The following SYT2 variants were observed in gnomAD, a reference collection of about 807,000 sequenced individuals.
SYT2 encodes synaptotagmin 2.
A neutral mutation model predicts 39.9 loss-of-function variants in SYT2; 15 were observed. The ratio of observed to expected loss-of-function variants is 0.38; its 90% CI spans 0.25 to 0.58. The LOEUF (loss-of-function observed/expected upper bound fraction) is 0.58. SYT2 is among the 20% of genes least tolerant of loss of function. The pLI is 0.70. For missense variants in SYT2, 389 were observed against 530.3 expected, an observed-to-expected ratio of 0.73 and a Z score of 2.62; for synonymous variants, 181 against 204.5, an observed-to-expected ratio of 0.89 and a Z score of 0.98.
At chr1:202,638,079 C>G (rs1181582395) in intron 1 of SYT2, among the ~76,000 whole-genome samples, 3 of 152,240 alleles carry the variant, frequency 2.0e-5, no homozygotes, top group Non-Finnish European at 4.4e-5. Flanking sequence ...AGCCACATTA[C>G]CTTCTACTAG....
chr1:202,652,504 T>C (rs1255610114), intron 1 of SYT2, among the ~76,000 whole-genome samples: 1 of 152,180 alleles, frequency 6.6e-6, no homozygotes, highest in African/African-American at 2.4e-5. Flanking sequence ...GCAATGGAGT[T>C]AGTGCATGGT....
intron 1 of SYT2, among the ~76,000 whole-genome samples, chr1:202,703,245 C>T (rs1230351583): frequency 1.3e-5 from 2 of 152,120 alleles, no homozygotes; most frequent in African/African-American, 2.4e-5. Context: ...CTCTTTGACG[C>T]TACCACCCTC....
intron 1 of SYT2, among the ~76,000 whole-genome samples, chr1:202,685,529 A>G (rs1304893226): frequency 6.6e-6 from 1 of 152,206 alleles, no homozygotes; most frequent in Non-Finnish European, 1.5e-5. Flanking sequence ...ACACACTGGC[A>G]TCAGCCCTTC....
chr1:202,605,726 G>A lies in SYT2; in HGVS notation c.47C>T (p.Ala16Val). The A allele has an allele frequency of 1.2e-6, 2 of 1,614,044 alleles. No individual in the cohort carries two copies. The highest frequency in any genetic ancestry group is 1.7e-6 in the Non-Finnish European group (2 of 1,179,966). ...AATGGGCATCGTGGCGGTGGTGGTG[G>A]CAGGAGCCACAATAGGCTCCTGGTT... The part of the protein sequence containing the change: ...KRNQEPIVAP[A>V]TTTATMPIGP... Residue 16 changes from alanine to valine, a missense_variant, in exon 2 of 9, where the codon GCC (alanine) becomes GTC (valine). Physicochemically the swap from Ala to Val is moderately conservative, Grantham distance 64. Transcript: ENST00000367268.
intron 1 of SYT2, among the ~76,000 whole-genome samples, chr1:202,671,567 C>T (rs547779392): frequency 3.9e-5 from 6 of 152,358 alleles, no homozygotes; most frequent in African/African-American, 1.4e-4. Context: ...GGGCATTTGT[C>T]CCTCAGGAGG....
intron 1 of SYT2, among the ~76,000 whole-genome samples, chr1:202,637,750 C>T (rs1691779476): frequency 6.6e-6 from 1 of 152,256 alleles, no homozygotes; most frequent in Non-Finnish European, 1.5e-5. Context: ...TCACCCTCTG[C>T]CCCTCCCTCA....
chr1:202,654,967 G>C (rs1692254032), intron 1 of SYT2, among the ~76,000 whole-genome samples: 1 of 152,208 alleles, frequency 6.6e-6, no homozygotes, highest in Non-Finnish European at 1.5e-5. Flanking sequence ...TGGGTTGGGG[G>C]AGAGGATAAA....
intron 1 of SYT2, among the ~76,000 whole-genome samples, chr1:202,655,319 C>T (rs1327657184): frequency 6.6e-6 from 1 of 152,176 alleles, no homozygotes; most frequent in African/African-American, 2.4e-5. Context: ...ACTACAGGCT[C>T]ATCCCTAGCA....
chr1:202,604,183 T>G, intron 3 of SYT2: 1 of 357,904 alleles, frequency 2.8e-6, no homozygotes. Flanking sequence ...TTTCCAACAT[T>G]TTGTCCCAGT....
At chr1:202,697,441 A>G (rs1277803885) in intron 1 of SYT2, among the ~76,000 whole-genome samples, 1 of 152,240 alleles carries the variant, frequency 6.6e-6, no homozygotes, top group Non-Finnish European at 1.5e-5. Flanking sequence ...GCCTGTTTGC[A>G]TCGGTACACG....
At chr1:202,606,773 GGAGA>G (rs1293035068) in intron 1 of SYT2, among the ~76,000 whole-genome samples, 2 of 152,010 alleles carry the variant, frequency 1.3e-5, no homozygotes, top group East Asian at 1.9e-4. Flanking sequence ...GAAAATTTGG[GGAGA>G]GAGAGAGAAA....
chr1:202,666,086 G>A (rs1226619840), intron 1 of SYT2, among the ~76,000 whole-genome samples: 1 of 151,096 alleles, frequency 6.6e-6, no homozygotes, highest in Non-Finnish European at 1.5e-5. Flanking sequence ...CAGGGAGGCG[G>A]AGCTTGCAGT....
chr1:202,705,477 G>A (rs572743433), intron 1 of SYT2, among the ~76,000 whole-genome samples: 8 of 152,362 alleles, frequency 5.3e-5, no homozygotes, highest in African/African-American at 1.7e-4. Context: ...CCCGGCTAAA[G>A]TGACCAAGGA....
chr1:202,660,615 C>A (rs905058815), intron 1 of SYT2, among the ~76,000 whole-genome samples: 4 of 152,236 alleles, frequency 2.6e-5, no homozygotes, highest in Non-Finnish European at 5.9e-5. Context: ...ATCAGTGGAC[C>A]ATCTTTATTT....
chr1:202,691,894 A>G (rs1653846559), intron 1 of SYT2, among the ~76,000 whole-genome samples: 2 of 152,026 alleles, frequency 1.3e-5, no homozygotes, highest in South Asian at 4.2e-4. Context: ...ATGAATCAAG[A>G]GGCCAGAAAT....
intron 1 of SYT2, among the ~76,000 whole-genome samples, chr1:202,654,510 TA>T (rs1692246419): frequency 6.6e-6 from 1 of 152,226 alleles, no homozygotes; most frequent in Non-Finnish European, 1.5e-5. Flanking sequence ...AATCTTTTGT[TA>T]ATTGCCTACT....
chr1:202,677,882 T>C (rs1193602052), intron 1 of SYT2, among the ~76,000 whole-genome samples: 1 of 152,190 alleles, frequency 6.6e-6, no homozygotes, highest in African/African-American at 2.4e-5. Flanking sequence ...ATACCTACAT[T>C]TTTATAAAGA....
intron 1 of SYT2, among the ~76,000 whole-genome samples, chr1:202,611,636 A>G (rs1313814630): frequency 2.6e-5 from 4 of 152,294 alleles, no homozygotes; most frequent in African/African-American, 4.8e-5. Context: ...GATTACAGGC[A>G]TGAGCCACTG....
chr1:202,662,481 T>C (rs1257893437), intron 1 of SYT2, among the ~76,000 whole-genome samples: 1 of 152,268 alleles, frequency 6.6e-6, no homozygotes, highest in African/African-American at 2.4e-5. Context: ...CTCCATAGTC[T>C]ACCTGGACTA....
Sources: allele counts gnomAD v4.1 joint callset (sites outside exome capture counted in the v4.1 genomes callset), GRCh38; gene constraint gnomAD v4.1.1; transcripts MANE v1.5; gene names NCBI Gene and HGNC (gene_info 2026-07-23, HGNC 2026-07-21).